The following ZNF479 variants were observed in gnomAD, a reference collection of about 807,000 sequenced individuals.
ZNF479 encodes the protein zinc finger protein 479, also known as KRAB zinc finger protein KR19.
A neutral mutation model predicts 14.7 loss-of-function variants in ZNF479; 15 were observed. The observed-to-expected ratio is 1.02, with a 90% CI of 0.68 to 1.57. The LOEUF is 1.57. Among genes scored for constraint, ZNF479 ranks in the 40% most tolerant of loss-of-function variants. ZNF479 has a pLI of 0.00. For synonymous variants in ZNF479, 145 were observed against 211.5 expected, an observed-to-expected ratio of 0.69 and a Z score of 2.73; for missense variants, 506 against 615.1, an observed-to-expected ratio of 0.82 and a Z score of 1.88.
At chr7:57,135,539 A>T (rs1231277686), upstream of ZNF479, among the ~76,000 whole-genome samples, 1 of 151,810 alleles carries the variant, frequency 6.6e-6, no homozygotes, top group Admixed American at 6.6e-5. Flanking sequence ...CAGCTTCCCA[A>T]GTAGCTGGGA....
Position 57,118,220 on chromosome 7 carries a change from A to C in ZNF479, c.*1620T>G, listed in dbSNP as rs1410464530. Among the ~76,000 whole-genome samples, 2 of 152,398 alleles carry C rather than the reference A, an allele frequency of 1.3e-5. No homozygotes were observed. Among genetic ancestry groups the C allele is most frequent in the South Asian group, 2.1e-4 (1 of 4,834 alleles). ...GTTTGAGCATCTTCTCAGATCTTCA[A>C]ATTTTTCCTTTAATATAAAATGTGT... On this transcript the variant is annotated 3_prime_UTR_variant, in exon 4 of 4. Coordinates refer to ENST00000319636, the MANE Select transcript of ZNF479 (RefSeq NM_001370129.2).
chr7:57,134,255 C>T (rs1786546835), upstream of ZNF479, among the ~76,000 whole-genome samples: 1 of 152,090 alleles, frequency 6.6e-6, no homozygotes, highest in South Asian at 2.1e-4. Context: ...AAACAGTTTG[C>T]AGTAAAGAAG....
chr7:57,120,864 T>C lies in ZNF479; in HGVS notation c.551A>G (p.His184Arg), dbSNP rs782198899. Residue 184 changes from histidine to arginine, a missense_variant, in exon 4 of 4, where the codon CAT becomes CGT. Transcript: ENST00000319636. ...RDKTRYTGNK[H>R]FKCNKYGKSF... is the part of the protein sequence containing the mutation. ...TTTGCCATATTTGTTACATTTGAAA[T>C]GTTTATTTCCAGTATATCTTGTTTT... is the stretch of plus-strand genomic sequence containing the variant. The C allele has an allele frequency of 6.2e-7, 1 of 1,613,968 alleles. No individual in the cohort carries two copies. The highest frequency in any genetic ancestry group is 1.1e-5 in the South Asian group (1 of 91,074).
chr7:57,121,096 G>A lies in ZNF479; in HGVS notation c.319C>T (p.Leu107Phe), dbSNP rs374515515. ...LQPEQGIKDS[L>F]QKVIPRTYGK... is the part of the protein sequence containing the mutation. ...TATGTTCTTGGTATTACTTTTTGGA[G>A]TGAATCTTTGATGCCCTGCTCTGGC... Residue 107 changes from leucine (L) to phenylalanine (F), a missense_variant, in exon 4 of 4, where the codon CTC becomes TTC. By Grantham distance (22) the Leu-to-Phe change is conservative. Transcript: ENST00000319636. 21 of 1,613,678 alleles carry A rather than the reference G, an allele frequency of 1.3e-5. No homozygotes were observed. Among genetic ancestry groups the A allele is most frequent in the South Asian group, 5.5e-5 (5 of 91,082 alleles).
Position 57,119,514 on chromosome 7 carries a change from G to C in ZNF479, c.*326C>G, listed in dbSNP as rs1785807276. ...CCCAGCTACTCAGGAGGCTGAGGCA[G>C]GAGAATCGCTTGAACCCGGAAGGCA... On this transcript the variant is annotated 3_prime_UTR_variant, in exon 4 of 4. Coordinates refer to ENST00000319636, the MANE Select transcript of ZNF479 (RefSeq NM_001370129.2). 4.0e-6 allele frequency: 1 copy of C among 252,524 alleles called. No individual in the cohort carries two copies. The highest frequency in any genetic ancestry group is 7.7e-6 in the Non-Finnish European group (1 of 129,948). The allele number at this position is 252,524 out of a possible 1,614,324, so 15.6% of individuals were successfully genotyped here. A position where few individuals can be genotyped will look rare whatever the true frequency, so the allele number is the denominator to read the frequency against.
chr7:57,134,696 A>G (rs1786569066), upstream of ZNF479, among the ~76,000 whole-genome samples: 1 of 122,940 alleles, frequency 8.1e-6, no homozygotes, highest in East Asian at 2.5e-4. Flanking sequence ...TGTCTTTGAG[A>G]CAGCATCCTG....
At chr7:57,135,000 G>C (rs919704321), upstream of ZNF479, among the ~76,000 whole-genome samples, 1 of 151,962 alleles carries the variant, frequency 6.6e-6, no homozygotes, top group Admixed American at 6.6e-5. Flanking sequence ...TTTCTTGTAC[G>C]AGATCCAAGA....
intron 3 of ZNF479, among the ~76,000 whole-genome samples, chr7:57,125,780 TTG>T (rs1411829521): frequency 4.6e-5 from 7 of 152,208 alleles, no homozygotes; most frequent in African/African-American, 1.7e-4. Flanking sequence ...AAAGAAAACT[TTG>T]GCTCACACTG....
At chr7:57,132,970 T>C (rs562638735), upstream of ZNF479, among the ~76,000 whole-genome samples, 22 of 152,216 alleles carry the variant, frequency 1.4e-4, 2 homozygotes, top group African/African-American at 5.1e-4. Flanking sequence ...ACCCCGTCTC[T>C]ACTAAAAATA....
At chr7:57,128,510 C>A (rs1786276779) in intron 1 of ZNF479, among the ~76,000 whole-genome samples, 1 of 152,170 alleles carries the variant, frequency 6.6e-6, no homozygotes, top group Admixed American at 6.5e-5. Flanking sequence ...TCTCCAAAGA[C>A]AACGGTATTT....
intron 1 of ZNF479, among the ~76,000 whole-genome samples, chr7:57,128,480 C>T (rs551768210): frequency 6.4e-4 from 98 of 152,294 alleles, no homozygotes; most frequent in African/African-American, 2.2e-3. Flanking sequence ...CTCAATAGAA[C>T]ATGTTTCACT....
chr7:57,129,105 A>AATATTT (rs1300749232), intron 1 of ZNF479, among the ~76,000 whole-genome samples: 2 of 152,210 alleles, frequency 1.3e-5, no homozygotes, highest in East Asian at 3.8e-4. Flanking sequence ...CTATTAAAAT[A>AATATTT]TAAGTTTCTT....
Position 57,132,417 on chromosome 7 carries a change from G to T in ZNF479, c.-93C>A. The T allele has an allele frequency of 6.3e-7, 1 of 1,597,952 alleles. No individual in the cohort carries two copies. The highest frequency in any genetic ancestry group is 8.6e-7 in the Non-Finnish European group (1 of 1,166,800). ...CAGTGAAGAGGAGAACTGCAGCTCT[G>T]GACGCAGAGAAACACAAAGGACCCG... On this transcript the variant is annotated 5_prime_UTR_variant, in exon 1 of 4. Coordinates refer to ENST00000319636, the MANE Select transcript of ZNF479 (RefSeq NM_001370129.2).
At chr7:57,134,978 G>A (rs1460575195), upstream of ZNF479, among the ~76,000 whole-genome samples, 1 of 151,976 alleles carries the variant, frequency 6.6e-6, no homozygotes, top group Admixed American at 6.6e-5. Context: ...ATAGGCATAA[G>A]GCTCTAAATT....
At chr7:57,134,378 G>T (rs1253481013), upstream of ZNF479, among the ~76,000 whole-genome samples, 1 of 152,108 alleles carries the variant, frequency 6.6e-6, no homozygotes, top group African/African-American at 2.4e-5. Flanking sequence ...TCCCACCAGC[G>T]CCATGACAGT....
intron 1 of ZNF479, 42 bp from the exon 2 acceptor site, chr7:57,126,760 A>G: frequency 1.2e-6 from 2 of 1,613,254 alleles, no homozygotes; most frequent in Non-Finnish European, 8.5e-7. Context: ...ACACACAAGC[A>G]CTTACCACAC....
intron 1 of ZNF479, among the ~76,000 whole-genome samples, chr7:57,131,764 CAACTTAT>C (rs1289294802): frequency 6.6e-6 from 1 of 152,118 alleles, no homozygotes; most frequent in Non-Finnish European, 1.5e-5. Context: ...CTTCATCATG[CAACTTAT>C]AACAGACTTT....
intron 3 of ZNF479, among the ~76,000 whole-genome samples, chr7:57,121,818 C>A (rs1458322765): frequency 1.3e-5 from 2 of 151,818 alleles, no homozygotes; most frequent in Admixed American, 6.6e-5. Context: ...TCAAAAAAAT[C>A]AAAAATTTTG....
intron 1 of ZNF479, among the ~76,000 whole-genome samples, chr7:57,129,830 C>T (rs1447505560): frequency 1.3e-5 from 2 of 151,802 alleles, no homozygotes; most frequent in African/African-American, 4.8e-5. Context: ...TAATTCAATA[C>T]AAAAAAACAT....
Sources: allele counts gnomAD v4.1 joint callset (sites outside exome capture counted in the v4.1 genomes callset), GRCh38; gene constraint gnomAD v4.1.1; transcripts MANE v1.5; gene names NCBI Gene and HGNC (gene_info 2026-07-23, HGNC 2026-07-21).